Variants in MED17 observed in about 807,000 individuals in gnomAD.
MED17 encodes the protein mediator of RNA polymerase II transcription subunit 17.
In MED17, 49 loss-of-function variants were observed where a neutral mutation model predicts 80.8. That is an observed-to-expected ratio of 0.61 (90% CI 0.48 to 0.77). The LOEUF is 0.77. MED17 is among the 30% of genes least tolerant of loss of function. The pLI is 0.00. For synonymous variants in MED17, 281 were observed against 280.4 expected (o/e 1.00, Z -0.02); for missense variants, 718 against 787.0 (o/e 0.91, Z 1.05).
In MED17 at chr11:93,794,858, T is replaced by C. The variant is rs757886740; in HGVS notation, c.860-50T>C. 3.9e-5 allele frequency: 61 copies of C among 1,568,998 alleles called. No individual in the cohort carries two copies. In the Admixed American group the frequency reaches 1.0e-3, roughly 26 times the overall value. The stretch of plus-strand genomic sequence containing the variant: ...TATTCAGATCACCATTTAAACTAGT[T>C]AATGCATAATATGGTTAGATAATTG... On this transcript the variant is annotated intron_variant, in intron 5 of 11. Coordinates refer to ENST00000251871, the MANE Select transcript of MED17 (RefSeq NM_004268.5).
At position 93,784,734 on chromosome 11, in the gene MED17, G is replaced by C. The variant is rs1269352951; in HGVS notation, c.221G>C (p.Gly74Ala). Residue 74 changes from glycine to alanine, a missense_variant, in exon 1 of 12, where the codon GGG becomes GCG. Transcript: ENST00000251871. ...GACGCGCAGGAGTGGCCGGGCGCCGGGTCCAGCGCAGACCAGGACGACGAG... is the reference window on the plus strand; with the variant it reads ...GACGCGCAGGAGTGGCCGGGCGCCGCGTCCAGCGCAGACCAGGACGACGAG... ...EGDAQEWPGA[G>A]SSADQDDEEG... is the part of the protein sequence containing the mutation. The C allele has an allele frequency of 1.3e-6, 2 of 1,543,198 alleles. No homozygotes were observed. The highest frequency in any genetic ancestry group is 2.4e-5 in the East Asian group (1 of 41,608).
chr11:93,796,552 A>G lies in MED17; in HGVS notation c.1143+12A>G. On this transcript the variant is annotated intron_variant, in intron 7 of 11. Transcript: ENST00000251871. ...TACTGATTAGAGAGGTAAGGAAATA[A>G]ATGTTTTTCTTTGCGCTGTGGTGAG... 6.2e-7 allele frequency: 1 copy of G among 1,613,914 alleles called. No homozygotes were observed.
At chr11:93,796,191 TC>T (rs1943898996) in intron 6 of MED17, 3 of 493,172 alleles carry the variant, frequency 6.1e-6, no homozygotes, top group African/African-American at 2.0e-5. Context: ...GACCTTGTGA[TC>T]CACCCACCTT....
At chr11:93,793,358 C>T (rs1290239778) in intron 3 of MED17, 1 of 228,296 alleles carries the variant, frequency 4.4e-6, no homozygotes. Flanking sequence ...CTCAGGTGAT[C>T]CATCCGCCTC....
rs369613059 is a variant in MED17 at position 93,809,817 on chromosome 11, G to A, written c.1685G>A (p.Ser562Asn). The A allele has an allele frequency of 1.2e-6, 2 of 1,614,192 alleles. No homozygotes were observed. The highest frequency in any genetic ancestry group is 1.7e-6 in the Non-Finnish European group (2 of 1,180,024). The change falls in exon 11 of 12, where the codon AGC (serine) becomes AAC (asparagine). Residue 562 changes from serine (S) to asparagine (N), a missense_variant. Physicochemically the swap from Ser to Asn is conservative, Grantham distance 46. Transcript: ENST00000251871. ...SNHVGLGPIE[S>N]IGNASAITVA... ...CATGTGGGACTTGGACCTATAGAGA[G>A]CATTGGTAATGCATCTGCCATCACG...
intron 11 of MED17, chr11:93,811,229 C>T (rs570719062): frequency 2.0e-5 from 3 of 152,376 alleles, no homozygotes; most frequent in South Asian, 2.1e-4. Context: ...TAGTTAAAAC[C>T]TCATTAAAAC....
In MED17 at chr11:93,793,729, ATCTCTC is replaced by A; in HGVS notation, c.641_646del (p.Ser214_Leu215del). ...TTCCTATTTTTAATACAACATTAGG[ATCTCTC>A]TTTCCTCATCATGGTACATTTGAAG... On this transcript the variant is annotated inframe_deletion and splice_region_variant, in exon 4 of 12. Transcript: ENST00000251871. 4 of 1,558,906 alleles carry A rather than the reference ATCTCTC, an allele frequency of 2.6e-6. No individual in the cohort carries two copies. The highest frequency in any genetic ancestry group is 3.5e-6 in the Non-Finnish European group (4 of 1,131,756).
rs561681931 is a variant in MED17 at position 93,814,228 on chromosome 11, C to G, written c.*2164C>G. 6.6e-6 allele frequency: 1 copy of G among 152,126 alleles called. No homozygotes were observed. The highest frequency in any genetic ancestry group is 2.1e-4 in the South Asian group (1 of 4,830). The allele number at this position is 152,126 out of a possible 1,614,324, so 9.4% of individuals were successfully genotyped here. A position where few individuals can be genotyped will look rare whatever the true frequency, so the allele number is the denominator to read the frequency against. ...GTCTTACTTTCCCTGTTTGGTACGT[C>G]GCTGTAGTGAGTAGCCAGTACCGAC... On this transcript the variant is annotated 3_prime_UTR_variant, in exon 12 of 12. Coordinates refer to ENST00000251871, the MANE Select transcript of MED17 (RefSeq NM_004268.5).
At chr11:93,801,172 TC>T (rs1943957747) in intron 8 of MED17, 1 of 152,222 alleles carries the variant, frequency 6.6e-6, no homozygotes, top group Non-Finnish European at 1.5e-5. Flanking sequence ...TAAAGTTTTT[TC>T]TGTTTAAAAA....
chr11:93,811,494 G>A (rs1182617901), intron 11 of MED17: 1 of 286,374 alleles, frequency 3.5e-6, no homozygotes, highest in Non-Finnish European at 6.7e-6. Flanking sequence ...AACATAGAGA[G>A]ACCTTGTCTT....
At chr11:93,784,896 G>A (rs558371762) in intron 1 of MED17, 133 bp downstream of exon 1, 4 of 1,290,508 alleles carry the variant, frequency 3.1e-6, no homozygotes, top group Admixed American at 2.5e-5. Flanking sequence ...GAAGCGTAAG[G>A]ATACTTGGTC....
Position 93,801,903 on chromosome 11 carries a change from A to G in MED17, c.1397A>G (p.Asn466Ser). Residue 466 changes from asparagine to serine, a missense_variant, in exon 9 of 12, where the codon AAT (asparagine) becomes AGT (serine). Asn to Ser is a conservative substitution (Grantham distance 46). Transcript: ENST00000251871. ...CCTCAGATACAGGCTCATTGGTCAA[A>G]TATCAATGATGTTTATGAATCTAGT... Reference protein sequence around the residue: ...EDPQIQAHWSNINDVYESSVK... With the variant: ...EDPQIQAHWSSINDVYESSVK... The G allele has an allele frequency of 1.2e-6, 2 of 1,612,236 alleles. No individual in the cohort carries two copies. The highest frequency in any genetic ancestry group is 8.5e-7 in the Non-Finnish European group (1 of 1,178,600).
At chr11:93,794,304 A>G (rs1371187342) in intron 5 of MED17, 5 of 341,180 alleles carry the variant, frequency 1.5e-5, no homozygotes, top group Non-Finnish European at 1.6e-5. Flanking sequence ...TCCCAGGTTC[A>G]AGCGATTCTC....
rs760147899 is a variant in MED17, at chr11:93,811,901, G to A, written c.1793G>A (p.Arg598His). 10 of 1,613,856 alleles carry A rather than the reference G, an allele frequency of 6.2e-6. No homozygotes were observed. In the South Asian group the frequency reaches 6.6e-5, roughly 11 times the overall value. ...AGCAAGATTATGGTTCAGTTTCCTCGTAACCAATGTAAAGACCTTCCAAAA... is the reference window on the plus strand; with the variant it reads ...AGCAAGATTATGGTTCAGTTTCCTCATAACCAATGTAAAGACCTTCCAAAA... The part of the protein sequence containing the change: ...SGSKIMVQFP[R>H]NQCKDLPKSD... The change falls in exon 12 of 12, where the codon CGT becomes CAT. Residue 598 changes from arginine to histidine, a missense_variant. Physicochemically the swap from Arg to His is conservative, Grantham distance 29. Coordinates refer to ENST00000251871, the MANE Select transcript of MED17 (RefSeq NM_004268.5).
In MED17 at chr11:93,794,922, C is replaced by A. The variant is rs1229276906; in HGVS notation, c.874C>A (p.Gln292Lys). 6.2e-7 allele frequency: 1 copy of A among 1,614,110 alleles called. No individual in the cohort carries two copies. The highest frequency in any genetic ancestry group is 2.2e-5 in the East Asian group (1 of 44,876). ...TTGTCTTTCAGGTTCCCCACATTGG[C>A]AGACAAAATTAGAAGCGGCACAGAA... ...PKSKPGSPHWQTKLEAAQNVL... is the reference protein window; with the variant it reads ...PKSKPGSPHWKTKLEAAQNVL... The change falls in exon 6 of 12, where the codon CAG (glutamine) becomes AAG (lysine). Residue 292 changes from glutamine to lysine, a missense_variant. By Grantham distance (53) the Gln-to-Lys change is moderately conservative. Coordinates refer to ENST00000251871, the MANE Select transcript of MED17 (RefSeq NM_004268.5).
chr11:93,796,202 T>C (rs565152994), intron 6 of MED17: 145 of 516,620 alleles, frequency 2.8e-4, no homozygotes, highest in Non-Finnish European at 4.8e-4. Context: ...CCACCCACCT[T>C]GGCCTCCCAA....
At chr11:93,799,433 C>T (rs1215547493) in intron 8 of MED17, among the ~76,000 whole-genome samples, 1 of 152,178 alleles carries the variant, frequency 6.6e-6, no homozygotes, top group African/African-American at 2.4e-5. Context: ...ACCTTGGCCT[C>T]CCAAAGTGCT....
At chr11:93,787,166 C>T (rs927632403) in intron 1 of MED17, among the ~76,000 whole-genome samples, 3 of 152,120 alleles carry the variant, frequency 2.0e-5, no homozygotes, top group Non-Finnish European at 4.4e-5. Context: ...GTAATCCCAG[C>T]ACTTTCGGAG....
At position 93,784,337 on chromosome 11, in the gene MED17, T is replaced by C. The variant is rs1258227459; in HGVS notation, c.-177T>C. 1.6e-5 allele frequency: 13 copies of C among 822,288 alleles called. No individual in the cohort carries two copies. The highest frequency in any genetic ancestry group is 3.9e-5 in the South Asian group (2 of 51,364). The allele number at this position is 822,288 out of a possible 1,614,324, so 50.9% of individuals were successfully genotyped here. A position where few individuals can be genotyped will look rare whatever the true frequency, so the allele number is the denominator to read the frequency against. Reference sequence around the variant, plus strand: ...GAGCTTGCGGTGCGTTCTGGGAAAGTTGCTGGGCCAGCTCCTTTGTTTCCA... The same window carrying C: ...GAGCTTGCGGTGCGTTCTGGGAAAGCTGCTGGGCCAGCTCCTTTGTTTCCA... On this transcript the variant is annotated 5_prime_UTR_variant, in exon 1 of 12. Coordinates refer to ENST00000251871, the MANE Select transcript of MED17 (RefSeq NM_004268.5).
Sources: gnomAD v4.1 joint callset for allele counts (sites outside exome capture counted in the v4.1 genomes callset) on GRCh38, gnomAD v4.1.1 for gene constraint, MANE v1.5 for transcripts, NCBI Gene and HGNC (gene_info 2026-07-23, HGNC 2026-07-21) for gene names.